Variants in RBFOX1 observed in about 807,000 individuals in gnomAD.
RBFOX1 encodes the protein RNA binding fox-1 homolog 1, also known as RNA binding protein fox-1 homolog 1.
Under a neutral mutation model 57.7 loss-of-function variants are expected in RBFOX1, and 8 were observed. That is an observed-to-expected ratio of 0.14 (90% CI 0.08 to 0.25). The LOEUF is 0.25. Ranked by LOEUF, RBFOX1 falls within the 10% of genes least tolerant of loss-of-function variation. The pLI, the probability that RBFOX1 is intolerant of heterozygous loss-of-function variation, is 1.00. For missense variants in RBFOX1, 611 were observed against 548.5 expected (o/e 1.11, Z -1.14); for synonymous variants, 326 against 222.4 (o/e 1.47, Z -4.15).
At chr16:6,239,949 G>A (rs1270648240) in intron 1 of RBFOX1, among the ~76,000 whole-genome samples, 2 of 152,188 alleles carry the variant, frequency 1.3e-5, no homozygotes, top group African/African-American at 4.8e-5. Flanking sequence ...GGTGGGGGGT[G>A]TTTCGGTTGT....
At position 7,321,647 on chromosome 16, in the gene RBFOX1, A is replaced by G. The variant is rs115486576; in HGVS notation, c.28-196500A>G. On this transcript the variant is annotated intron_variant, in intron 4 of 15. Transcript: ENST00000550418. ...ACCTTATAGGATAGTTGTGAAGATT[A>G]AGTGAGTTAATATACAAAGGAGTTA... is the stretch of plus-strand genomic sequence containing the variant. Among the ~76,000 whole-genome samples the G allele has an allele frequency of 4.1e-3, 632 of 152,324 alleles. 6 individuals carry two copies. The Middle Eastern group carries it at 0.071, about 17-fold the overall frequency.
At chr16:7,530,520 T>A (rs1477727442) in intron 5 of RBFOX1, among the ~76,000 whole-genome samples, 2 of 149,652 alleles carry the variant, frequency 1.3e-5, no homozygotes, top group Admixed American at 1.3e-4. Flanking sequence ...AAAAAAAAAG[T>A]CTTCATTTTA....
intron 2 of RBFOX1, among the ~76,000 whole-genome samples, chr16:5,472,480 A>C (rs2069172287): frequency 6.6e-6 from 1 of 152,168 alleles, no homozygotes; most frequent in Admixed American, 6.5e-5. Flanking sequence ...CAGGGCAAGG[A>C]TTAAAATCTT....
chr16:7,078,349 T>C (rs145231949), intron 4 of RBFOX1, among the ~76,000 whole-genome samples: 163 of 152,300 alleles, frequency 1.1e-3, no homozygotes, highest in African/African-American at 3.5e-3. Context: ...CAACCCCATA[T>C]ACTTTATTTA....
intron 3 of RBFOX1, among the ~76,000 whole-genome samples, chr16:6,677,938 G>C (rs1262615961): frequency 1.3e-5 from 2 of 152,156 alleles, no homozygotes; most frequent in Non-Finnish European, 2.9e-5. Flanking sequence ...GAACCATAAA[G>C]AACATCTAAC....
chr16:5,636,056 G>GA (rs796685826), intron 3 of RBFOX1, among the ~76,000 whole-genome samples: 98 of 147,876 alleles, frequency 6.6e-4, no homozygotes, highest in Middle Eastern at 3.5e-3. Context: ...TTAAAAAAGA[G>GA]AAAAAAAAAA....
At chr16:7,252,356 C>G (rs1001983677) in intron 4 of RBFOX1, among the ~76,000 whole-genome samples, 3 of 152,222 alleles carry the variant, frequency 2.0e-5, no homozygotes, top group Non-Finnish European at 4.4e-5. Flanking sequence ...CCACTCTGTG[C>G]TTGCTCATTA....
At chr16:5,595,821 C>T (rs1024683155) in intron 2 of RBFOX1, among the ~76,000 whole-genome samples, 5 of 152,146 alleles carry the variant, frequency 3.3e-5, no homozygotes, top group African/African-American at 1.2e-4. Flanking sequence ...GAGCTTGCTG[C>T]TTTGTTCAGA....
At chr16:6,466,234 A>AC (rs908326137) in intron 2 of RBFOX1, among the ~76,000 whole-genome samples, 2 of 152,016 alleles carry the variant, frequency 1.3e-5, no homozygotes, top group African/African-American at 2.4e-5. Context: ...TATCTCAAAA[A>AC]AAAAAAAAAG....
At chr16:6,859,229 A>G (rs184028416) in intron 3 of RBFOX1, among the ~76,000 whole-genome samples, 29 of 139,258 alleles carry the variant, frequency 2.1e-4, no homozygotes, top group African/African-American at 7.5e-4. Flanking sequence ...TAGTTCCTCA[A>G]TCCAATAAGA....
intron 2 of RBFOX1, among the ~76,000 whole-genome samples, chr16:6,461,399 C>T (rs1264308335): frequency 6.6e-6 from 1 of 152,194 alleles, no homozygotes; most frequent in African/African-American, 2.4e-5. Flanking sequence ...GGGATTAAGA[C>T]TTCAACGTAT....
intron 11 of RBFOX1, among the ~76,000 whole-genome samples, chr16:7,640,804 G>C (rs1286401771): frequency 6.6e-6 from 1 of 151,688 alleles, no homozygotes; most frequent in Non-Finnish European, 1.5e-5. Flanking sequence ...TCAGAGTCAA[G>C]AGAAATCCTT....
intron 3 of RBFOX1, among the ~76,000 whole-genome samples, chr16:6,987,248 T>G (rs1057439558): frequency 3.9e-5 from 6 of 152,168 alleles, no homozygotes; most frequent in Non-Finnish European, 7.4e-5. Flanking sequence ...ATGCACAGAT[T>G]TATTGAATCA....
At chr16:7,224,428 C>A (rs2092959022) in intron 4 of RBFOX1, among the ~76,000 whole-genome samples, 1 of 152,112 alleles carries the variant, frequency 6.6e-6, no homozygotes, top group African/African-American at 2.4e-5. Context: ...CCTATAATGC[C>A]CCATACCAAG....
intron 2 of RBFOX1, among the ~76,000 whole-genome samples, chr16:6,509,938 G>C (rs1036548076): frequency 1.3e-5 from 2 of 152,194 alleles, no homozygotes; most frequent in African/African-American, 2.4e-5. Context: ...CGCTCCATAA[G>C]TGATGGGATG....
At chr16:6,313,734 C>A (rs1010864971) in intron 1 of RBFOX1, among the ~76,000 whole-genome samples, 1 of 151,988 alleles carries the variant, frequency 6.6e-6, no homozygotes, top group African/African-American at 2.4e-5. Flanking sequence ...GAAAATTGTG[C>A]CCAATTCCAC....
chr16:6,115,551 T>TC (rs1178868294), intron 1 of RBFOX1, among the ~76,000 whole-genome samples: 3 of 152,162 alleles, frequency 2.0e-5, no homozygotes, highest in East Asian at 3.9e-4. Flanking sequence ...CTGTTTTTTT[T>TC]CCCCTCTGTC....
intron 4 of RBFOX1, among the ~76,000 whole-genome samples, chr16:7,270,392 G>A (rs572926034): frequency 2.6e-5 from 4 of 152,192 alleles, no homozygotes; most frequent in South Asian, 2.1e-4. Flanking sequence ...GAAGTTTAAC[G>A]CAAGTAAAAA....
At chr16:5,295,119 A>G (rs1008607635) in intron 1 of RBFOX1, among the ~76,000 whole-genome samples, 34 of 151,596 alleles carry the variant, frequency 2.2e-4, no homozygotes, top group Non-Finnish European at 3.7e-4. Flanking sequence ...TTTGTCAGAA[A>G]TACATTTGGT....
Sources: gnomAD v4.1 joint callset for allele counts (sites outside exome capture counted in the v4.1 genomes callset) on GRCh38, gnomAD v4.1.1 for gene constraint, MANE v1.5 for transcripts, NCBI Gene and HGNC (gene_info 2026-07-23, HGNC 2026-07-21) for gene names.